ZNF92: variants seen among roughly 807,000 people sequenced by gnomAD.
The protein encoded by ZNF92 is zinc finger protein 92, also known as epididymis luminal protein 203.
A neutral mutation model predicts 12.4 loss-of-function variants in ZNF92; 11 were observed. The ratio of observed to expected loss-of-function variants is 0.89; its 90% CI spans 0.56 to 1.47. ZNF92 has a LOEUF of 1.47. Among genes scored for constraint, ZNF92 ranks in the 40% most tolerant of loss-of-function variants. ZNF92 has a pLI of 0.00. For missense variants in ZNF92, 622 were observed against 681.0 expected (o/e 0.91, Z 0.96); for synonymous variants, 206 against 228.6 (o/e 0.90, Z 0.89).
At chr7:65,387,201 C>T (rs1335377479) in intron 1 of ZNF92, among the ~76,000 whole-genome samples, 2 of 151,644 alleles carry the variant, frequency 1.3e-5, no homozygotes, top group Non-Finnish European at 2.9e-5. Flanking sequence ...CGCAGCCTCC[C>T]AAACTGCTGG....
At chr7:65,381,761 A>G (rs1793426198) in intron 1 of ZNF92, among the ~76,000 whole-genome samples, 1 of 152,052 alleles carries the variant, frequency 6.6e-6, no homozygotes, top group Non-Finnish European at 1.5e-5. Flanking sequence ...AGTGCTAGCT[A>G]TTTATTACAA....
In ZNF92 at chr7:65,398,923, C is replaced by A. The variant is rs1793926282; in HGVS notation, c.809C>A (p.Ser270Ter). 1.2e-6 allele frequency: 2 copies of A among 1,613,150 alleles called. No homozygotes were observed. The highest frequency in any genetic ancestry group is 1.7e-6 in the Non-Finnish European group (2 of 1,179,770). Reference protein sequence around the residue: ...EECGKAFNRSSTLTKHKRIHT... With the variant: ...EECGKAFNRS The stretch of plus-strand genomic sequence containing the variant: ...TGTGGCAAAGCTTTTAACCGGTCCT[C>A]AACCCTTACTAAACATAAAAGAATT... Residue 270 changes from serine (S) to a stop codon, truncating the protein, a stop_gained, in exon 4 of 4, where the codon TCA becomes TAA. Coordinates refer to ENST00000328747, the MANE Select transcript of ZNF92 (RefSeq NM_152626.4). LOFTEE classifies it low-confidence loss of function (END_TRUNC).
In ZNF92 at chr7:65,388,893, A is replaced by G; in HGVS notation, c.218A>G (p.Lys73Arg). The G allele has an allele frequency of 6.3e-7, 1 of 1,578,798 alleles. No individual in the cohort carries two copies. Residue 73 changes from lysine to arginine, a missense_variant, in exon 3 of 4, where the codon AAA (lysine) becomes AGA (arginine). Coordinates refer to ENST00000328747, the MANE Select transcript of ZNF92 (RefSeq NM_152626.4). ...WNLKRHEMVD[K>R]TPVMCSHFAQ... ...CTGAAGAGACATGAGATGGTAGACAAAACCCCAGGTAGGTGACAGTTAATA... is the reference window on the plus strand; with the variant it reads ...CTGAAGAGACATGAGATGGTAGACAGAACCCCAGGTAGGTGACAGTTAATA...
At chr7:65,397,808 G>A (rs1383996541) in intron 3 of ZNF92, among the ~76,000 whole-genome samples, 3 of 151,706 alleles carry the variant, frequency 2.0e-5, no homozygotes, top group Non-Finnish European at 4.4e-5. Flanking sequence ...CGCTGTCTGT[G>A]GTGCTGCTGC....
At chr7:65,389,860 C>T (rs1793665400) in intron 3 of ZNF92, among the ~76,000 whole-genome samples, 1 of 151,718 alleles carries the variant, frequency 6.6e-6, no homozygotes, top group Non-Finnish European at 1.5e-5. Context: ...GAGACGGAGT[C>T]TTACTCTGCT....
At chr7:65,386,878 AT>A (rs1322349007) in intron 1 of ZNF92, among the ~76,000 whole-genome samples, 1 of 149,696 alleles carries the variant, frequency 6.7e-6, no homozygotes, top group East Asian at 1.9e-4. Context: ...TCTCTGACAG[AT>A]TTTTTCACTA....
At chr7:65,391,795 A>G (rs2116385668) in intron 3 of ZNF92, among the ~76,000 whole-genome samples, 1 of 152,190 alleles carries the variant, frequency 6.6e-6, no homozygotes, top group Non-Finnish European at 1.5e-5. Flanking sequence ...TCTTCTATGT[A>G]TGGTTATACT....
rs1485131062 is a variant in ZNF92, at chr7:65,399,192, A to G, written c.1078A>G (p.Lys360Glu). Residue 360 changes from lysine (K) to glutamate (E), a missense_variant, in exon 4 of 4, where the codon AAG (lysine) becomes GAG (glutamate). Lys to Glu is a moderately conservative substitution (Grantham distance 56). Coordinates refer to ENST00000328747, the MANE Select transcript of ZNF92 (RefSeq NM_152626.4). ...CCAGTTCTCAAACCTTACTAAACAT[A>G]AGATAATTCATACTGGAGAGAAACC... is the stretch of plus-strand genomic sequence containing the variant. ...FNQFSNLTKHKIIHTGEKPYK... is the reference protein window; with the variant it reads ...FNQFSNLTKHEIIHTGEKPYK... 8 of 1,613,468 alleles carry G rather than the reference A, an allele frequency of 5.0e-6. No individual in the cohort carries two copies. Among genetic ancestry groups the G allele is most frequent in the Non-Finnish European group, 6.8e-6 (8 of 1,179,770 alleles).
chr7:65,386,166 C>T (rs1323024064), intron 1 of ZNF92, among the ~76,000 whole-genome samples: 2 of 151,982 alleles, frequency 1.3e-5, no homozygotes, highest in South Asian at 2.1e-4. Context: ...ATTACAGGCG[C>T]GTGCCACCAT....
At chr7:65,383,318 T>C (rs1793474659) in intron 1 of ZNF92, among the ~76,000 whole-genome samples, 1 of 152,190 alleles carries the variant, frequency 6.6e-6, no homozygotes, top group Non-Finnish European at 1.5e-5. Flanking sequence ...ATCTCTCCTT[T>C]GGTTGTACTT....
rs1023714709 is a variant in ZNF92 at position 65,398,237 on chromosome 7, A to G, written c.227-104A>G. 6 of 981,828 alleles carry G rather than the reference A, an allele frequency of 6.1e-6. No individual in the cohort carries two copies. The African/African-American group carries it at 9.9e-5, about 16-fold the overall frequency. 60.8% of individuals were successfully genotyped at this position (981,828 alleles called of 1,614,324 possible). A position where few individuals can be genotyped will look rare whatever the true frequency, so the allele number is the denominator to read the frequency against. ...ATTAGGGCTTGCATTTTGCTATGCC[A>G]TCTTGCTTATGTTGTAGTTTGTACA... On this transcript the variant is annotated intron_variant, in intron 3 of 3. Transcript: ENST00000328747.
At position 65,399,958 on chromosome 7, in the gene ZNF92, A is replaced by G. The variant is rs1793967643; in HGVS notation, c.*83A>G. 1 of 1,233,036 alleles carries G rather than the reference A, an allele frequency of 8.1e-7. No individual in the cohort carries two copies. The highest frequency in any genetic ancestry group is 1.5e-5 in the African/African-American group (1 of 66,470). 76.4% of individuals were successfully genotyped at this position (1,233,036 alleles called of 1,614,324 possible). ...GTGCCCTAGAAATGTGAGGAATATGACAAGGACTTTAAATGGTTGTCACGC... is the reference window on the plus strand; with the variant it reads ...GTGCCCTAGAAATGTGAGGAATATGGCAAGGACTTTAAATGGTTGTCACGC... On this transcript the variant is annotated 3_prime_UTR_variant, in exon 4 of 4. Coordinates refer to ENST00000328747, the MANE Select transcript of ZNF92 (RefSeq NM_152626.4).
rs1793960063 is a variant in ZNF92, at chr7:65,399,731, T to C, written c.1617T>C (p.Tyr539=). 2.5e-6 allele frequency: 4 copies of C among 1,613,260 alleles called. No homozygotes were observed. The African/African-American group carries it at 5.3e-5, about 22-fold the overall frequency. ...ATACTGGAGAGAAACCCTACAAATA[T>C]GAAGAATGTGACAAAGCCTTTAACA... ...IIYTGEKPYK[Y]EECDKAFNKF... The change falls in exon 4 of 4, where the codon TAT becomes TAC. Residue 539 remains tyrosine (Y), a synonymous_variant. Coordinates refer to ENST00000328747, the MANE Select transcript of ZNF92 (RefSeq NM_152626.4).
chr7:65,378,587 A>G (rs1793315826), intron 1 of ZNF92, among the ~76,000 whole-genome samples: 2 of 150,706 alleles, frequency 1.3e-5, no homozygotes, highest in South Asian at 4.2e-4. Context: ...CTAAAAATAC[A>G]AAAAAGTAGC....
chr7:65,397,802 G>A (rs1421992624), intron 3 of ZNF92, among the ~76,000 whole-genome samples: 2 of 151,446 alleles, frequency 1.3e-5, no homozygotes, highest in African/African-American at 4.9e-5. Flanking sequence ...CGTGTTCGCT[G>A]TCTGTGGTGC....
rs768806871 is a variant in ZNF92 at position 65,399,522 on chromosome 7, A to G, written c.1408A>G (p.Lys470Glu). 136 of 1,613,274 alleles carry G rather than the reference A, an allele frequency of 8.4e-5. 1 individual carries two copies. Among genetic ancestry groups the G allele is most frequent in the Admixed American group, 5.0e-4 (30 of 59,946 alleles). ...CTTTAGTGTATTCTCAACCCTTACTAAACATAAAATAATTCATACTAGAGA... is the reference window on the plus strand; with the variant it reads ...CTTTAGTGTATTCTCAACCCTTACTGAACATAAAATAATTCATACTAGAGA... ...KAFSVFSTLT[K>E]HKIIHTREKP... The change falls in exon 4 of 4, where the codon AAA becomes GAA. Residue 470 changes from lysine (K) to glutamate (E), a missense_variant. Coordinates refer to ENST00000328747, the MANE Select transcript of ZNF92 (RefSeq NM_152626.4).
intron 3 of ZNF92, among the ~76,000 whole-genome samples, chr7:65,394,084 C>T (rs1292827394): frequency 2.6e-5 from 4 of 151,786 alleles, no homozygotes; most frequent in South Asian, 2.1e-4. Flanking sequence ...TGAAGTATAG[C>T]GTAATTCAGT....
intron 1 of ZNF92, among the ~76,000 whole-genome samples, chr7:65,377,006 C>G (rs909354903): frequency 6.6e-6 from 1 of 152,028 alleles, no homozygotes; most frequent in Non-Finnish European, 1.5e-5. Flanking sequence ...CGAGATTAAA[C>G]TTGGTACCTA....
intron 1 of ZNF92, among the ~76,000 whole-genome samples, chr7:65,383,053 G>A (rs914877689): frequency 6.6e-6 from 1 of 152,052 alleles, no homozygotes; most frequent in Non-Finnish European, 1.5e-5. Context: ...AGTAATCAAG[G>A]TTGTTTTTAG....
Sources: gnomAD v4.1 joint callset for allele counts (sites outside exome capture counted in the v4.1 genomes callset) on GRCh38, gnomAD v4.1.1 for gene constraint, MANE v1.5 for transcripts, NCBI Gene and HGNC (gene_info 2026-07-23, HGNC 2026-07-21) for gene names.